The following PDZRN4 variants were observed in gnomAD, a reference collection of about 807,000 sequenced individuals.
PDZRN4 encodes PDZ domain containing ring finger 4.
PDZRN4 carries 70 observed loss-of-function variants against 99.0 expected under a neutral mutation model. That is an observed-to-expected ratio of 0.71 (90% confidence interval 0.58 to 0.86). The LOEUF (loss-of-function observed/expected upper bound fraction) is 0.86, where lower values mean the gene tolerates loss of function less well. Among genes scored for constraint, PDZRN4 ranks in the 40% least tolerant of loss-of-function variants. PDZRN4 has a pLI of 0.00. For missense variants in PDZRN4, 1,474 were observed against 1,331.2 expected (o/e 1.11, Z -1.67); for synonymous variants, 551 against 501.6 (o/e 1.10, Z -1.32).
chr12:41,388,662 G>A (rs558532350), intron 3 of PDZRN4, among the ~76,000 whole-genome samples: 73 of 152,296 alleles, frequency 4.8e-4, no homozygotes, highest in Non-Finnish European at 8.5e-4. Flanking sequence ...AATGGAGATG[G>A]TGAGAAATGT....
At chr12:41,215,845 T>C (rs895754542) in intron 3 of PDZRN4, among the ~76,000 whole-genome samples, 1 of 89,668 alleles carries the variant, frequency 1.1e-5, no homozygotes, top group African/African-American at 4.7e-5. Context: ...ACGCTAAGCC[T>C]CCATAGTTTT....
intron 3 of PDZRN4, among the ~76,000 whole-genome samples, chr12:41,478,442 T>C (rs1347928257): frequency 6.6e-6 from 1 of 152,168 alleles, no homozygotes; most frequent in African/African-American, 2.4e-5. Context: ...CTTACATATA[T>C]ACATTAGTTT....
intron 3 of PDZRN4, among the ~76,000 whole-genome samples, chr12:41,360,267 AT>A (rs1183290870): frequency 6.6e-6 from 1 of 152,070 alleles, no homozygotes; most frequent in Non-Finnish European, 1.5e-5. Context: ...GATTGGATGA[AT>A]TTGTGTCAGA....
At chr12:41,528,181 G>T (rs1326403739) in intron 5 of PDZRN4, among the ~76,000 whole-genome samples, 1 of 146,104 alleles carries the variant, frequency 6.8e-6, no homozygotes, top group Non-Finnish European at 1.5e-5. Flanking sequence ...TTTTTGGGGG[G>T]TTTTTTGTTT....
intron 3 of PDZRN4, among the ~76,000 whole-genome samples, chr12:41,502,951 G>A (rs867746384): frequency 6.6e-6 from 1 of 152,106 alleles, no homozygotes; most frequent in Non-Finnish European, 1.5e-5. Flanking sequence ...GTTAACTGTA[G>A]ATATTCTTCC....
chr12:41,561,373 C>T (rs1939266157), intron 7 of PDZRN4, among the ~76,000 whole-genome samples: 2 of 151,776 alleles, frequency 1.3e-5, no homozygotes, highest in Admixed American at 1.3e-4. Flanking sequence ...GCATTGAAGA[C>T]ATTCTATGTA....
chr12:41,191,169 G>A (rs1444618842), intron 1 of PDZRN4, among the ~76,000 whole-genome samples: 3 of 152,172 alleles, frequency 2.0e-5, no homozygotes, highest in East Asian at 1.9e-4. Context: ...ATCAGATTTA[G>A]ATACTGCATT....
chr12:41,336,897 A>C (rs926512010), intron 3 of PDZRN4, among the ~76,000 whole-genome samples: 5 of 151,814 alleles, frequency 3.3e-5, no homozygotes, highest in Admixed American at 1.3e-4. Context: ...GGTCTGCAAA[A>C]TATCTCAAGC....
intron 3 of PDZRN4, among the ~76,000 whole-genome samples, chr12:41,463,708 T>C (rs1366193408): frequency 1.3e-5 from 2 of 152,148 alleles, no homozygotes; most frequent in Admixed American, 6.5e-5. Flanking sequence ...CTGTGATACA[T>C]TTAAGTCTAA....
Position 41,305,202 on chromosome 12 carries a change from G to A in PDZRN4, c.843+111014G>A, listed in dbSNP as rs546894952. Among the ~76,000 whole-genome samples, 9 of 152,268 alleles carry A rather than the reference G, an allele frequency of 5.9e-5. No homozygotes were observed. In the South Asian group the frequency reaches 1.0e-3, roughly 18 times the overall value. On this transcript the variant is annotated intron_variant, in intron 3 of 9. Transcript: ENST00000402685. ...CAAAGTGGCTGAGGAAAGCCAACACGTTTCACTCTTTTCCCTCCTGCTAAA... is the reference window on the plus strand; with the variant it reads ...CAAAGTGGCTGAGGAAAGCCAACACATTTCACTCTTTTCCCTCCTGCTAAA...
chr12:41,386,361 A>T (rs1023363111), intron 3 of PDZRN4, among the ~76,000 whole-genome samples: 1 of 152,156 alleles, frequency 6.6e-6, no homozygotes, highest in Non-Finnish European at 1.5e-5. Context: ...ATACGAAGAG[A>T]AGAAGTCAAA....
intron 3 of PDZRN4, among the ~76,000 whole-genome samples, chr12:41,203,639 A>T (rs1229656231): frequency 6.6e-6 from 1 of 152,066 alleles, no homozygotes; most frequent in Non-Finnish European, 1.5e-5. Flanking sequence ...CATTTTACAG[A>T]TGAGAAGACT....
intron 3 of PDZRN4, among the ~76,000 whole-genome samples, chr12:41,403,102 T>A (rs1952315806): frequency 6.6e-6 from 1 of 152,142 alleles, no homozygotes; most frequent in Admixed American, 6.6e-5. Flanking sequence ...TTCCTCCTGC[T>A]CATTCATTTG....
intron 3 of PDZRN4, among the ~76,000 whole-genome samples, chr12:41,329,163 A>G (rs1050012349): frequency 1.3e-5 from 2 of 152,068 alleles, no homozygotes; most frequent in African/African-American, 4.8e-5. Flanking sequence ...GTTATTGGGT[A>G]TTATAGCTTG....
intron 3 of PDZRN4, among the ~76,000 whole-genome samples, chr12:41,194,638 C>T (rs552378883): frequency 6.6e-5 from 10 of 152,100 alleles, no homozygotes; most frequent in East Asian, 3.9e-4. Flanking sequence ...CAGAGCAAGA[C>T]GCTGCCTCCA....
chr12:41,488,385 A>G (rs779521015), intron 3 of PDZRN4, among the ~76,000 whole-genome samples: 1 of 152,214 alleles, frequency 6.6e-6, no homozygotes, highest in Non-Finnish European at 1.5e-5. Context: ...ACTTAAGTTT[A>G]GAGGAAATTA....
chr12:41,224,346 ATGT>A (rs1350928630), intron 3 of PDZRN4, among the ~76,000 whole-genome samples: 1 of 152,204 alleles, frequency 6.6e-6, no homozygotes, highest in African/African-American at 2.4e-5. Flanking sequence ...AAAGTGTGAC[ATGT>A]TATGAGCCAT....
chr12:41,276,533 T>A (rs572912663), intron 3 of PDZRN4, among the ~76,000 whole-genome samples: 2 of 152,274 alleles, frequency 1.3e-5, no homozygotes, highest in East Asian at 3.9e-4. Context: ...TACATCATAT[T>A]TATACATGTC....
intron 3 of PDZRN4, among the ~76,000 whole-genome samples, chr12:41,197,315 C>T (rs533062485): frequency 1.3e-5 from 2 of 152,052 alleles, no homozygotes; most frequent in East Asian, 3.9e-4. Context: ...TCAACAAAGG[C>T]TAGTAACACG....
Sources: allele counts gnomAD v4.1 joint callset (sites outside exome capture counted in the v4.1 genomes callset), GRCh38; gene constraint gnomAD v4.1.1; transcripts MANE v1.5; gene names NCBI Gene and HGNC (gene_info 2026-07-23, HGNC 2026-07-21).